KAZN: variants seen among roughly 807,000 people sequenced by gnomAD.
KAZN encodes kazrin.
In KAZN, 40 loss-of-function variants were observed where a neutral mutation model predicts 87.4. That is an observed-to-expected ratio of 0.46 (90% CI 0.36 to 0.60). KAZN has a LOEUF of 0.60. KAZN is among the 20% of genes least tolerant of loss of function. The pLI is 0.00. For synonymous variants in KAZN, 466 were observed against 458.3 expected (o/e 1.02, Z -0.22); for missense variants, 898 against 1,073.9 (o/e 0.84, Z 2.29).
rs1164569841 is a variant in KAZN, at chr1:14,911,454, A to G, written c.227-49230A>G. Among the ~76,000 whole-genome samples the G allele has an allele frequency of 9.2e-5, 14 of 152,356 alleles. No homozygotes were observed. The East Asian group carries it at 2.7e-3, about 29-fold the overall frequency. ...TCCTTGTCCTTAGACTGACCTGGGC[A>G]GGGAAACGCTGGCTCCACCTCCCAG... is the stretch of plus-strand genomic sequence containing the variant. On this transcript the variant is annotated intron_variant, in intron 1 of 14. Transcript: ENST00000376030.
chr1:14,555,460 A>G (rs990849536), intron 2 of KAZN, among the ~76,000 whole-genome samples: 5 of 152,196 alleles, frequency 3.3e-5, no homozygotes, highest in African/African-American at 1.2e-4. Context: ...TTGATAGGAA[A>G]TGCCCCCACT....
intron 1 of KAZN, among the ~76,000 whole-genome samples, chr1:14,747,081 C>A (rs888767403): frequency 6.6e-6 from 1 of 152,086 alleles, no homozygotes; most frequent in Non-Finnish European, 1.5e-5. Context: ...TAAGCAGAAT[C>A]ATATAGTATC....
intron 2 of KAZN, among the ~76,000 whole-genome samples, chr1:14,571,121 T>C (rs1674837892): frequency 2.0e-5 from 3 of 152,234 alleles, no homozygotes. Flanking sequence ...CCCTTCACTA[T>C]ATTTGGATTT....
chr1:14,359,265 T>C (rs1038554109), intron 2 of KAZN, among the ~76,000 whole-genome samples: 1 of 152,144 alleles, frequency 6.6e-6, no homozygotes, highest in Non-Finnish European at 1.5e-5. Flanking sequence ...TCTTTTTTTT[T>C]CCTTCTCCTT....
chr1:14,578,309 C>A (rs1675316399), intron 2 of KAZN, among the ~76,000 whole-genome samples: 1 of 152,086 alleles, frequency 6.6e-6, no homozygotes, highest in African/African-American at 2.4e-5. Context: ...CCTTTACCAA[C>A]TGTGAAGCAC....
chr1:14,918,188 G>A (rs184932683), intron 1 of KAZN, among the ~76,000 whole-genome samples: 2 of 152,250 alleles, frequency 1.3e-5, no homozygotes, highest in African/African-American at 4.8e-5. Flanking sequence ...AGATCTAGAT[G>A]CACTTCTAAT....
intron 1 of KAZN, among the ~76,000 whole-genome samples, chr1:14,960,459 C>G (rs542167145): frequency 6.6e-6 from 1 of 152,178 alleles, no homozygotes; most frequent in Admixed American, 6.5e-5. Flanking sequence ...CCTCGGGAGT[C>G]GTGGTGGAGG....
In KAZN at chr1:14,748,511, C is replaced by T. The variant is rs185771484; in HGVS notation, c.226+149288C>T. ...CTCTTTGTGCCTCCGTCGTCTCATC[C>T]GTGAAATGGGGATAATGATTGAGCC... On this transcript the variant is annotated intron_variant, in intron 1 of 14. Transcript: ENST00000376030. Among the ~76,000 whole-genome samples the T allele has an allele frequency of 6.4e-4, 97 of 152,202 alleles. 2 individuals carry two copies. The East Asian group carries it at 0.014, about 22-fold the overall frequency.
At chr1:14,719,614 G>A (rs774429226) in intron 1 of KAZN, among the ~76,000 whole-genome samples, 10 of 152,192 alleles carry the variant, frequency 6.6e-5, no homozygotes, top group Non-Finnish European at 1.0e-4. Flanking sequence ...CAAGGCGGGC[G>A]GATCACCTGA....
chr1:14,587,691 C>A (rs972777532), intron 2 of KAZN, among the ~76,000 whole-genome samples: 2 of 152,156 alleles, frequency 1.3e-5, no homozygotes, highest in Non-Finnish European at 2.9e-5. Context: ...TGAGAACTCA[C>A]TCATCACCAA....
chr1:14,410,106 T>A (rs1247489196), intron 2 of KAZN, among the ~76,000 whole-genome samples: 2 of 152,144 alleles, frequency 1.3e-5, no homozygotes, highest in Non-Finnish European at 2.9e-5. Flanking sequence ...AAAAGTCCAA[T>A]TTATTTATTT....
intron 1 of KAZN, among the ~76,000 whole-genome samples, chr1:14,149,630 T>C (rs1557516310): frequency 6.6e-6 from 1 of 152,190 alleles, no homozygotes; most frequent in Non-Finnish European, 1.5e-5. Context: ...TTATATCTCA[T>C]GGAAATTTGC....
chr1:15,052,878 C>G (rs1012975961), intron 4 of KAZN, among the ~76,000 whole-genome samples: 1 of 152,210 alleles, frequency 6.6e-6, no homozygotes, highest in Non-Finnish European at 1.5e-5. Flanking sequence ...GAAGATGCCA[C>G]TCCCAGGCCC....
At chr1:14,798,416 C>CTTTTTTTTTTTTTT (rs545959773) in intron 1 of KAZN, among the ~76,000 whole-genome samples, 1 of 88,148 alleles carries the variant, frequency 1.1e-5, no homozygotes, top group Non-Finnish European at 2.0e-5. Context: ...TGTTTCTTTC[C>CTTTTTTTTTTTTTT]TTTTTTTTTT....
At chr1:14,355,015 T>TA (rs1409387170) in intron 2 of KAZN, among the ~76,000 whole-genome samples, 3 of 151,630 alleles carry the variant, frequency 2.0e-5, no homozygotes, top group African/African-American at 4.8e-5. Context: ...ACTGAGCAAT[T>TA]AAAAAAAAGA....
At chr1:14,350,612 G>C (rs1388112654) in intron 2 of KAZN, among the ~76,000 whole-genome samples, 1 of 152,208 alleles carries the variant, frequency 6.6e-6, no homozygotes, top group Non-Finnish European at 1.5e-5. Flanking sequence ...TGAATATCCA[G>C]CAATGCACTG....
chr1:14,534,911 T>C (rs910718238), intron 2 of KAZN, among the ~76,000 whole-genome samples: 1 of 152,146 alleles, frequency 6.6e-6, no homozygotes, highest in Non-Finnish European at 1.5e-5. Context: ...GACCTCACTC[T>C]CCTAAGCTCC....
chr1:14,676,752 T>C (rs1640246135), intron 1 of KAZN, among the ~76,000 whole-genome samples: 1 of 152,064 alleles, frequency 6.6e-6, no homozygotes, highest in African/African-American at 2.4e-5. Context: ...AACAGGCAAA[T>C]CCATAGAGTT....
intron 8 of KAZN, among the ~76,000 whole-genome samples, chr1:15,091,511 G>A (rs1187507710): frequency 6.6e-6 from 1 of 152,024 alleles, no homozygotes; most frequent in South Asian, 2.1e-4. Context: ...CGCCCACGCC[G>A]GGATAATTTT....
Sources: gnomAD v4.1 joint callset for allele counts (sites outside exome capture counted in the v4.1 genomes callset) on GRCh38, gnomAD v4.1.1 for gene constraint, MANE v1.5 for transcripts, NCBI Gene and HGNC (gene_info 2026-07-23, HGNC 2026-07-21) for gene names.